The following CDON variants were observed in gnomAD, a reference collection of about 807,000 sequenced individuals.
CDON encodes cell adhesion associated, oncogene regulated.
CDON carries 73 observed loss-of-function variants against 120.9 expected under a neutral mutation model. That is an observed-to-expected ratio of 0.60 (90% CI 0.50 to 0.73). The LOEUF is 0.73. Ranked by LOEUF, CDON falls within the 30% of genes least tolerant of loss-of-function variation. CDON has a pLI of 0.00. For synonymous variants in CDON, 566 were observed against 573.5 expected, an observed-to-expected ratio of 0.99 and a Z score of 0.19; for missense variants, 1,470 against 1,587.3, an observed-to-expected ratio of 0.93 and a Z score of 1.26.
intron 1 of CDON, among the ~76,000 whole-genome samples, chr11:126,047,634 G>A (rs771376365): frequency 4.1e-4 from 62 of 152,126 alleles, no homozygotes; most frequent in Admixed American, 1.3e-4. Flanking sequence ...TCCTCATTTT[G>A]CCTGTAAAGA....
Position 125,981,344 on chromosome 11 carries a change from CA to C in CDON, c.2996-16del. The C allele has an allele frequency of 3.1e-6, 5 of 1,608,626 alleles. No homozygotes were observed. The highest frequency in any genetic ancestry group is 1.1e-5 in the South Asian group (1 of 91,046). On this transcript the variant is annotated splice_polypyrimidine_tract_variant and intron_variant, in intron 16 of 19. Coordinates refer to ENST00000531738, the MANE Select transcript of CDON (RefSeq NM_001378964.1). ...TGGGTCATATTCTGTTAAAAGAGAACAAAAAAGACACACACGCACACACACA... is the reference window on the plus strand; with the variant it reads ...TGGGTCATATTCTGTTAAAAGAGAACAAAAAGACACACACGCACACACACA...
chr11:126,043,388 T>C (rs1458701892), intron 1 of CDON, among the ~76,000 whole-genome samples: 1 of 152,134 alleles, frequency 6.6e-6, no homozygotes, highest in Non-Finnish European at 1.5e-5. Flanking sequence ...ACTCCCACAC[T>C]GTGGAGTGTA....
chr11:126,023,199 GGCC>G lies in CDON; in HGVS notation c.76+199_76+201del, dbSNP rs770122550. ...TAAATTATAAGGGCCAGGACAGGAA[GGCC>G]TGCTAATGCCCAAAGCACTACCAAG... is the stretch of plus-strand genomic sequence containing the variant. On this transcript the variant is annotated intron_variant, in intron 2 of 19. Coordinates refer to ENST00000531738, the MANE Select transcript of CDON (RefSeq NM_001378964.1). Among the ~76,000 whole-genome samples, 91 of 152,216 alleles carry G rather than the reference GGCC, an allele frequency of 6.0e-4. 1 individual carries two copies. The highest frequency in any genetic ancestry group is 4.3e-3 in the Admixed American group (66 of 15,286).
intron 1 of CDON, among the ~76,000 whole-genome samples, chr11:126,039,868 C>T (rs1003138406): frequency 6.6e-6 from 1 of 152,110 alleles, no homozygotes; most frequent in Non-Finnish European, 1.5e-5. Flanking sequence ...AGAGGCAGGA[C>T]CCTTATCACA....
At chr11:126,059,987 T>C (rs1948758551) in intron 1 of CDON, among the ~76,000 whole-genome samples, 2 of 152,018 alleles carry the variant, frequency 1.3e-5, no homozygotes, top group South Asian at 4.1e-4. Flanking sequence ...CCAATATTTT[T>C]CAAGTGACAT....
At chr11:126,030,080 G>A (rs552251588) in intron 1 of CDON, among the ~76,000 whole-genome samples, 2 of 152,252 alleles carry the variant, frequency 1.3e-5, no homozygotes, top group East Asian at 1.9e-4. Context: ...CTTTCTTTAA[G>A]CCTTTCTCCC....
chr11:126,055,869 T>C (rs1948670316), intron 1 of CDON, among the ~76,000 whole-genome samples: 2 of 152,330 alleles, frequency 1.3e-5, no homozygotes, highest in Middle Eastern at 3.4e-3. Context: ...TACTTGTTAG[T>C]GATAAACTAA....
At chr11:126,049,780 C>T (rs1948509300) in intron 1 of CDON, among the ~76,000 whole-genome samples, 1 of 152,144 alleles carries the variant, frequency 6.6e-6, no homozygotes, top group East Asian at 1.9e-4. Context: ...TCAATATAAT[C>T]GGCCCCATTT....
intron 18 of CDON, among the ~76,000 whole-genome samples, chr11:125,970,470 G>A (rs1164612947): frequency 6.6e-6 from 1 of 152,018 alleles, no homozygotes; most frequent in African/African-American, 2.4e-5. Flanking sequence ...ACCGCACCCG[G>A]CCAGTAGTTT....
chr11:126,023,282 C>G, intron 2 of CDON, 119 bp downstream of exon 2: 4 of 814,168 alleles, frequency 4.9e-6, no homozygotes, highest in Non-Finnish European at 8.8e-6. Flanking sequence ...TTGGTCAAAC[C>G]AATCTTAGAA....
chr11:125,964,639 T>C (rs1945739082), intron 18 of CDON, among the ~76,000 whole-genome samples: 2 of 151,668 alleles, frequency 1.3e-5, no homozygotes, highest in East Asian at 3.9e-4. Context: ...ATAATCAATA[T>C]AATGTAGGGT....
chr11:125,994,915 A>T lies in CDON; in HGVS notation c.2500T>A (p.Tyr834Asn). The change falls in exon 13 of 20, where the codon TAC becomes AAC. Residue 834 changes from tyrosine to asparagine, a missense_variant. By Grantham distance (143) the Tyr-to-Asn change is moderately radical. Coordinates refer to ENST00000531738, the MANE Select transcript of CDON (RefSeq NM_001378964.1). ...TGAGTATCGCTGACAGCCTCTGTGT[A>T]TGCAATGTGAGGTCCAGTTATTGGA... ...SRPITGPHIAYTEAVSDTQIM... is the reference protein window; with the variant it reads ...SRPITGPHIANTEAVSDTQIM... 1 of 1,614,128 alleles carries T rather than the reference A, an allele frequency of 6.2e-7. No individual in the cohort carries two copies. Among genetic ancestry groups the T allele is most frequent in the Non-Finnish European group, 8.5e-7 (1 of 1,179,976 alleles).
At chr11:125,979,682 T>C (rs753612249) in intron 17 of CDON, among the ~76,000 whole-genome samples, 3 of 152,212 alleles carry the variant, frequency 2.0e-5, no homozygotes, top group Non-Finnish European at 4.4e-5. Context: ...AAAGCGAACA[T>C]GGGCCTTATG....
At position 125,959,197 on chromosome 11, in the gene CDON, T is replaced by C. The variant is rs886047965; in HGVS notation, c.*1745A>G. The C allele has an allele frequency of 3.3e-5, 5 of 152,196 alleles. No individual in the cohort carries two copies. In the East Asian group the frequency reaches 7.7e-4, roughly 23 times the overall value. The allele number at this position is 152,196 out of a possible 1,614,324, so 9.4% of individuals were successfully genotyped here. A position where few individuals can be genotyped will look rare whatever the true frequency, so the allele number is the denominator to read the frequency against. On this transcript the variant is annotated 3_prime_UTR_variant, in exon 20 of 20. Coordinates refer to ENST00000531738, the MANE Select transcript of CDON (RefSeq NM_001378964.1). The stretch of plus-strand genomic sequence containing the variant: ...ACTAACAGTTCTATTATAAAATATA[T>C]AGACATATGTAAGGGAATACTGATG...
rs551543355 is a variant in CDON at position 125,967,532 on chromosome 11, A to C, written c.3357-5534T>G. Among the ~76,000 whole-genome samples the C allele has an allele frequency of 1.9e-4, 29 of 152,362 alleles. 1 individual carries two copies. The South Asian group carries it at 6.0e-3, about 32-fold the overall frequency. On this transcript the variant is annotated intron_variant, in intron 18 of 19. Transcript: ENST00000531738. Reference sequence around the variant, plus strand: ...CAGTGTCAGATACCTTAGGACACACAGCACAGTCAGGTACTTAATGAAATC... The same window carrying C: ...CAGTGTCAGATACCTTAGGACACACCGCACAGTCAGGTACTTAATGAAATC...
chr11:125,994,130 GA>G (rs2134518698), intron 14 of CDON, among the ~76,000 whole-genome samples, 153 bp downstream of exon 14: 1 of 152,288 alleles, frequency 6.6e-6, no homozygotes, highest in African/African-American at 2.4e-5. Context: ...TATTAAGCGG[GA>G]AAAGGTGGCT....
chr11:126,009,936 G>A (rs746722799), intron 8 of CDON, among the ~76,000 whole-genome samples: 3 of 152,188 alleles, frequency 2.0e-5, no homozygotes, highest in Non-Finnish European at 4.4e-5. Flanking sequence ...ATACATACAG[G>A]TATTACTTAA....
rs1331899924 is a variant in CDON at position 126,034,380 on chromosome 11, G to A, written c.-61-10843C>T. Among the ~76,000 whole-genome samples, 1 of 152,128 alleles carries A rather than the reference G, an allele frequency of 6.6e-6. No individual in the cohort carries two copies. Among genetic ancestry groups the A allele is most frequent in the Non-Finnish European group, 1.5e-5 (1 of 68,032 alleles). ...CTCCAACACAATGAAAAGGGCCCAG[G>A]ACGAACCCCAGGAAAGGTCACTGAG... is the stretch of plus-strand genomic sequence containing the variant. On this transcript the variant is annotated intron_variant, in intron 1 of 19. Coordinates refer to ENST00000531738, the MANE Select transcript of CDON (RefSeq NM_001378964.1). This position sits in a 1 kb window ranked among gnomAD's most constrained non-coding sequence, Gnocchi z 4.5.
At chr11:126,053,474 G>A (rs193002622) in intron 1 of CDON, among the ~76,000 whole-genome samples, 2 of 152,134 alleles carry the variant, frequency 1.3e-5, no homozygotes, top group Non-Finnish European at 2.9e-5. Flanking sequence ...GGATGAAATG[G>A]GAAGGAGGAA....
Sources: allele counts gnomAD v4.1 joint callset (sites outside exome capture counted in the v4.1 genomes callset), GRCh38; gene constraint gnomAD v4.1.1; non-coding constraint Gnocchi (gnomAD v3.1); transcripts MANE v1.5; gene names NCBI Gene and HGNC (gene_info 2026-07-23, HGNC 2026-07-21).